The following ANKRD45 variants were observed in gnomAD, a reference collection of about 807,000 sequenced individuals.
The protein encoded by ANKRD45 is ankyrin repeat domain 45, also known as ankyrin repeat domain-containing protein 45.
ANKRD45 carries 21 observed loss-of-function variants against 28.1 expected under a neutral mutation model. The observed-to-expected ratio is 0.75, with a 90% CI of 0.53 to 1.08. The LOEUF (loss-of-function observed/expected upper bound fraction) is 1.08, where lower values mean the gene tolerates loss of function less well. ANKRD45 is among the 50% of genes least tolerant of loss of function. ANKRD45 has a pLI of 0.00. For synonymous variants in ANKRD45, 86 were observed against 103.9 expected, an observed-to-expected ratio of 0.83 and a Z score of 1.05; for missense variants, 261 against 308.7, an observed-to-expected ratio of 0.85 and a Z score of 1.16.
intron 2 of ANKRD45, among the ~76,000 whole-genome samples, chr1:173,651,998 G>C (rs1037601400): frequency 6.6e-6 from 1 of 152,194 alleles, no homozygotes; most frequent in South Asian, 2.1e-4. Context: ...ATTTGGGGCT[G>C]AAACGATGGG....
chr1:173,680,503 C>T, the ANKRD45 span, among the ~76,000 whole-genome samples: 2 of 151,958 alleles, frequency 1.3e-5, no homozygotes, highest in South Asian at 2.1e-4. Flanking sequence ...AACACATGGA[C>T]ACAGAGAGGG....
the ANKRD45 span, among the ~76,000 whole-genome samples, chr1:173,704,949 G>A: frequency 1.3e-5 from 2 of 152,344 alleles, no homozygotes; most frequent in Admixed American, 6.5e-5. Flanking sequence ...AAGCTCTGAC[G>A]CTGGGATGAT....
At chr1:173,663,160 C>T (rs976871499) in intron 1 of ANKRD45, among the ~76,000 whole-genome samples, 3 of 151,728 alleles carry the variant, frequency 2.0e-5, no homozygotes, top group African/African-American at 7.3e-5. Flanking sequence ...CTTCCCACAC[C>T]GGAAGACTAA....
At chr1:173,682,315 T>C in the ANKRD45 span, among the ~76,000 whole-genome samples, 5 of 152,130 alleles carry the variant, frequency 3.3e-5, no homozygotes, top group African/African-American at 1.2e-4. Flanking sequence ...ACATTCTTCT[T>C]TAAAAACCCA....
chr1:173,623,855 A>G (rs1302663909), intron 5 of ANKRD45, among the ~76,000 whole-genome samples: 1 of 151,368 alleles, frequency 6.6e-6, no homozygotes, highest in Non-Finnish European at 1.5e-5. Context: ...AAACTAATGC[A>G]GGAACAGAAA....
At chr1:173,666,886 TG>T (rs1348366533) in intron 1 of ANKRD45, among the ~76,000 whole-genome samples, 1 of 152,116 alleles carries the variant, frequency 6.6e-6, no homozygotes, top group African/African-American at 2.4e-5. Context: ...TGAGTAGCTG[TG>T]ACTATAGATG....
At chr1:173,707,981 G>A in the ANKRD45 span, among the ~76,000 whole-genome samples, 1 of 152,160 alleles carries the variant, frequency 6.6e-6, no homozygotes, top group East Asian at 1.9e-4. Flanking sequence ...TCTATTTCTG[G>A]ATTTCTTACC....
At chr1:173,631,705 A>G (rs1372045348) in intron 3 of ANKRD45, among the ~76,000 whole-genome samples, 2 of 152,238 alleles carry the variant, frequency 1.3e-5, no homozygotes, top group Non-Finnish European at 2.9e-5. Context: ...TATACAGCAC[A>G]TAGAAATTAA....
intron 3 of ANKRD45, among the ~76,000 whole-genome samples, chr1:173,636,319 G>A (rs896273898): frequency 5.3e-5 from 8 of 152,168 alleles, no homozygotes; most frequent in African/African-American, 1.9e-4. Flanking sequence ...AACTTTCTGA[G>A]AAATGGAGCT....
At chr1:173,709,615 G>A in the ANKRD45 span, among the ~76,000 whole-genome samples, 1 of 151,720 alleles carries the variant, frequency 6.6e-6, no homozygotes, top group Admixed American at 6.6e-5. Context: ...CCATATCTGG[G>A]CACCCTACTA....
At chr1:173,710,853 C>T in the ANKRD45 span, among the ~76,000 whole-genome samples, 3 of 152,018 alleles carry the variant, frequency 2.0e-5, no homozygotes, top group Admixed American at 6.5e-5. Flanking sequence ...TGGTGAGGTG[C>T]GGGAGAAGCC....
chr1:173,675,422 G>A, the ANKRD45 span: 1 of 234,036 alleles, frequency 4.3e-6, no homozygotes. Flanking sequence ...AGACCAGCTT[G>A]GCCAACATGG....
the ANKRD45 span, among the ~76,000 whole-genome samples, chr1:173,713,635 A>G: frequency 4.1e-5 from 6 of 146,228 alleles, no homozygotes; most frequent in Non-Finnish European, 7.6e-5. Flanking sequence ...AGTTTTTTGC[A>G]TGTTTGACTA....
chr1:173,637,645 T>C (rs1437308965), intron 3 of ANKRD45, among the ~76,000 whole-genome samples: 1 of 152,182 alleles, frequency 6.6e-6, no homozygotes, highest in Non-Finnish European at 1.5e-5. Flanking sequence ...TTCCAGCCAA[T>C]GGAAACCGGA....
At chr1:173,612,960 G>A (rs1293862845) in intron 5 of ANKRD45, among the ~76,000 whole-genome samples, 1 of 152,102 alleles carries the variant, frequency 6.6e-6, no homozygotes, top group African/African-American at 2.4e-5. Context: ...CCTCCCAGCC[G>A]CCTGCCTTGG....
At chr1:173,696,753 G>C in the ANKRD45 span, among the ~76,000 whole-genome samples, 1 of 152,120 alleles carries the variant, frequency 6.6e-6, no homozygotes, top group African/African-American at 2.4e-5. Flanking sequence ...TTTGCTATTA[G>C]GGCTCTTTTT....
At chr1:173,683,848 C>A in the ANKRD45 span, among the ~76,000 whole-genome samples, 3 of 152,212 alleles carry the variant, frequency 2.0e-5, no homozygotes, top group Middle Eastern at 3.4e-3. Context: ...CTCAGCAAGA[C>A]CAGGTACTTC....
chr1:173,637,316 A>G (rs185485495), intron 3 of ANKRD45, among the ~76,000 whole-genome samples: 4 of 152,354 alleles, frequency 2.6e-5, no homozygotes, highest in African/African-American at 7.2e-5. Context: ...CAGAATAGAT[A>G]GTAACCTCTC....
At chr1:173,710,294 A>G in the ANKRD45 span, among the ~76,000 whole-genome samples, 1 of 152,184 alleles carries the variant, frequency 6.6e-6, no homozygotes, top group Non-Finnish European at 1.5e-5. Context: ...GCCTCCTCAG[A>G]AGAAAGAATT....
Sources: allele counts gnomAD v4.1 joint callset (sites outside exome capture counted in the v4.1 genomes callset), GRCh38; gene constraint gnomAD v4.1.1; transcripts MANE v1.5; gene names NCBI Gene and HGNC (gene_info 2026-07-23, HGNC 2026-07-21).